The following MIP variants were observed in gnomAD, a reference collection of about 807,000 sequenced individuals.
MIP encodes the protein major intrinsic protein of lens fiber.
Under a neutral mutation model 21.8 loss-of-function variants are expected in MIP, and 14 were observed. That is an observed-to-expected ratio of 0.64 (90% CI 0.42 to 1.00). The LOEUF is 1.00. Ranked by LOEUF, MIP falls within the 50% of genes least tolerant of loss-of-function variation. MIP has a pLI of 0.00. For synonymous variants in MIP, 133 were observed against 141.4 expected (o/e 0.94, Z 0.42); for missense variants, 260 against 333.5 (o/e 0.78, Z 1.72).
Position 56,454,527 on chromosome 12 carries a change from C to A in MIP, c.87G>T (p.Gly29=). Residue 29 remains glycine, a synonymous_variant, in exon 1 of 4, where the codon GGG becomes GGT. Transcript: ENST00000652304. Reference sequence around the variant, plus strand: ...GTCCAGGAGCCCAGCGCAGTGAGGACCCCAGCCCAAAGAAGACATAGAAGA... The same window carrying A: ...GTCCAGGAGCCCAGCGCAGTGAGGAACCCAGCCCAAAGAAGACATAGAAGA... ...ATLFYVFFGL[G]SSLRWAPGPL... 6.2e-7 allele frequency: 1 copy of A among 1,613,340 alleles called. No individual in the cohort carries two copies. The highest frequency in any genetic ancestry group is 1.1e-5 in the South Asian group (1 of 90,924).
At chr12:56,452,957 G>T in intron 3 of MIP, 115 bp downstream of exon 3, 1 of 791,278 alleles carries the variant, frequency 1.3e-6, no homozygotes, top group Non-Finnish European at 2.3e-6. Flanking sequence ...CCCCTTAGCT[G>T]AGTGCTGGTA....
At chr12:56,453,298 T>C (rs1565694272) in intron 2 of MIP, 146 bp from the exon 3 acceptor site, 3 of 752,864 alleles carry the variant, frequency 4.0e-6, no homozygotes, top group Admixed American at 2.0e-5. Flanking sequence ...CTCCAGGGGT[T>C]CCTGCAATGG....
chr12:56,454,733 C>T, upstream of MIP: 2 of 1,302,422 alleles, frequency 1.5e-6, no homozygotes, highest in Non-Finnish European at 2.1e-6. Context: ...GTAGCAGGCC[C>T]AGCCTCTTAA....
At chr12:56,454,717 G>A (rs1219805736), upstream of MIP, 3 of 1,461,178 alleles carry the variant, frequency 2.1e-6, no homozygotes, top group Non-Finnish European at 2.8e-6. Flanking sequence ...GGAGGGGCAG[G>A]CTGAGGTAGC....
chr12:56,452,812 C>T (rs543088079), intron 3 of MIP: 8 of 527,080 alleles, frequency 1.5e-5, no homozygotes, highest in East Asian at 6.7e-5. Context: ...TCTTCATACC[C>T]GCTAGTTCAG....
chr12:56,453,484 A>G, intron 2 of MIP, 107 bp downstream of exon 2: 1 of 1,263,716 alleles, frequency 7.9e-7, no homozygotes, highest in Non-Finnish European at 1.1e-6. Flanking sequence ...TGCAATGGAC[A>G]ATGTTCATGT....
chr12:56,455,112 G>A (rs1868753964), upstream of MIP, among the ~76,000 whole-genome samples: 1 of 152,108 alleles, frequency 6.6e-6, no homozygotes, highest in South Asian at 2.1e-4. Context: ...TAAGGAGTGG[G>A]GTTCAGCAGG....
At chr12:56,454,775 TC>T, upstream of MIP, 2 of 756,546 alleles carry the variant, frequency 2.6e-6, no homozygotes, top group Admixed American at 3.0e-5. Context: ...CTAAGTCCCC[TC>T]CCCTACATGG....
rs148291504 is a variant in MIP at position 56,450,119 on chromosome 12, T to C, written c.*1161A>G. ...AGCATTTGAATAGAAGGAATCAATT[T>C]CTGGGGTATGAGGGAGTTAGAAGAG... On this transcript the variant is annotated 3_prime_UTR_variant, in exon 4 of 4. Transcript: ENST00000652304. 3.1e-4 allele frequency: 47 copies of C among 152,082 alleles called. No homozygotes were observed. The highest frequency in any genetic ancestry group is 1.1e-3 in the African/African-American group (45 of 41,476). The allele number at this position is 152,082 out of a possible 1,614,324, so 9.4% of individuals were successfully genotyped here.
chr12:56,451,540 T>G, intron 3 of MIP, 75 bp from the exon 4 acceptor site: 1 of 1,300,394 alleles, frequency 7.7e-7, no homozygotes, highest in Non-Finnish European at 1.1e-6. Flanking sequence ...TCCAGCCACC[T>G]TAGTGGAAAA....
In MIP at chr12:56,453,146, A is replaced by G. The variant is rs1324302266; in HGVS notation, c.532T>C (p.Tyr178His). The stretch of plus-strand genomic sequence containing the variant: ...GCAGGATTCATGCCTGCACCAGTAT[A>G]ATACATCTGCAAAAGAGACAGTTGT... ...LALGHLFGMY[Y>H]TGAGMNPARS... is the part of the protein sequence containing the mutation. Residue 178 changes from tyrosine (Y) to histidine (H), a missense_variant, in exon 3 of 4, where the codon TAT becomes CAT. Tyr to His is a moderately conservative substitution (Grantham distance 83, BLOSUM62 2). Coordinates refer to ENST00000652304, the MANE Select transcript of MIP (RefSeq NM_012064.4). 15 of 1,611,860 alleles carry G rather than the reference A, an allele frequency of 9.3e-6. 1 individual carries two copies. Among genetic ancestry groups the G allele is most frequent in the Admixed American group, 3.3e-5 (2 of 60,000 alleles).
rs1868619453 is a variant in MIP at position 56,451,541 on chromosome 12, T to A, written c.607-76A>T. On this transcript the variant is annotated intron_variant, in intron 3 of 3. Coordinates refer to ENST00000652304, the MANE Select transcript of MIP (RefSeq NM_012064.4). ...AACGCTGCTCTTTTTCCAGCCACCT[T>A]AGTGGAAAACAAGATATTGTACACT... 3.1e-6 allele frequency: 4 copies of A among 1,281,320 alleles called. 1 individual carries two copies. The South Asian group carries it at 3.6e-5, about 12-fold the overall frequency. The allele number at this position is 1,281,320 out of a possible 1,614,324, so 79.4% of individuals were successfully genotyped here. A position where few individuals can be genotyped will look rare whatever the true frequency, so the allele number is the denominator to read the frequency against.
chr12:56,453,894 G>T, intron 1 of MIP, 139 bp from the exon 2 acceptor site: 1 of 877,938 alleles, frequency 1.1e-6, no homozygotes, highest in Non-Finnish European at 1.8e-6. Flanking sequence ...CATAATCATT[G>T]TATTTGCATC....
At chr12:56,452,078 G>A (rs1424307517) in intron 3 of MIP, among the ~76,000 whole-genome samples, 1 of 152,140 alleles carries the variant, frequency 6.6e-6, no homozygotes, top group East Asian at 1.9e-4. Flanking sequence ...GTTTTTAAGT[G>A]TACAGTTTAG....
intron 3 of MIP, among the ~76,000 whole-genome samples, chr12:56,451,715 A>G (rs1369094478): frequency 3.3e-5 from 5 of 152,200 alleles, no homozygotes; most frequent in African/African-American, 1.2e-4. Flanking sequence ...GTGGTAAAAC[A>G]CATATAAAAT....
intron 2 of MIP, 98 bp downstream of exon 2, chr12:56,453,493 G>C: frequency 7.4e-7 from 1 of 1,355,476 alleles, no homozygotes; most frequent in South Asian, 1.2e-5. Flanking sequence ...CAATGTTCAT[G>C]TTTGACAGTG....
At chr12:56,453,792 GGCT>G in intron 1 of MIP, 37 bp from the exon 2 acceptor site, 1 of 1,598,606 alleles carries the variant, frequency 6.3e-7, no homozygotes, top group East Asian at 2.3e-5. Context: ...AGCTCAGGAG[GGCT>G]GCCACAGTGT....
In MIP at chr12:56,451,468, G is replaced by A. The variant is rs369137703; in HGVS notation, c.607-3C>T. 1.1e-4 allele frequency: 184 copies of A among 1,613,768 alleles called. No individual in the cohort carries two copies. The highest frequency in any genetic ancestry group is 1.5e-4 in the Non-Finnish European group (174 of 1,179,852). Reference sequence around the variant, plus strand: ...ATGATTGGGCCTACCCAGTACACCTGTAGAAAGAGAAAAGGAATACTCAGG... The same window carrying A: ...ATGATTGGGCCTACCCAGTACACCTATAGAAAGAGAAAAGGAATACTCAGG... On this transcript the variant is annotated splice_region_variant and splice_polypyrimidine_tract_variant and intron_variant, in intron 3 of 3. Transcript: ENST00000652304.
intron 3 of MIP, among the ~76,000 whole-genome samples, chr12:56,452,348 T>TA (rs1255341589): frequency 6.6e-6 from 1 of 152,250 alleles, no homozygotes; most frequent in Non-Finnish European, 1.5e-5. Flanking sequence ...TGTTGTGGTA[T>TA]GTGTCACAAT....
Sources: gnomAD v4.1 joint callset for allele counts (sites outside exome capture counted in the v4.1 genomes callset) on GRCh38, gnomAD v4.1.1 for gene constraint, MANE v1.5 for transcripts, NCBI Gene and HGNC (gene_info 2026-07-23, HGNC 2026-07-21) for gene names.